The following TTC27 variants were observed in gnomAD, a reference collection of about 807,000 sequenced individuals.
TTC27 encodes tetratricopeptide repeat protein 27.
In TTC27, 79 loss-of-function variants were observed where a neutral mutation model predicts 115.9. The observed-to-expected ratio is 0.68, with a 90% CI of 0.57 to 0.82. TTC27 has a LOEUF of 0.82. Ranked by LOEUF, TTC27 falls within the 40% of genes least tolerant of loss-of-function variation. TTC27 has a pLI of 0.00. For synonymous variants in TTC27, 401 were observed against 356.0 expected (o/e 1.13, Z -1.42); for missense variants, 1,054 against 993.1 (o/e 1.06, Z -0.82).
intron 9 of TTC27, among the ~76,000 whole-genome samples, chr2:32,681,409 G>C (rs74515739): frequency 2.7e-3 from 418 of 152,224 alleles, no homozygotes; most frequent in African/African-American, 8.4e-3. Context: ...TGATACCGAA[G>C]TGGATAAGAT....
At chr2:32,671,679 T>C (rs1022088928) in intron 7 of TTC27, among the ~76,000 whole-genome samples, 1 of 152,238 alleles carries the variant, frequency 6.6e-6, no homozygotes, top group Non-Finnish European at 1.5e-5. Context: ...ATCATTTGCA[T>C]TTCCATATAA....
At chr2:32,779,109 G>A (rs1189704564) in intron 14 of TTC27, among the ~76,000 whole-genome samples, 4 of 152,158 alleles carry the variant, frequency 2.6e-5, no homozygotes, top group Admixed American at 1.3e-4. Context: ...CGTGGTCCCA[G>A]CTACTCAGGA....
chr2:32,705,918 A>G (rs1667350939), intron 10 of TTC27, among the ~76,000 whole-genome samples: 1 of 152,068 alleles, frequency 6.6e-6, no homozygotes, highest in Non-Finnish European at 1.5e-5. Context: ...TAATTCCATG[A>G]TTATTTAATA....
intron 10 of TTC27, among the ~76,000 whole-genome samples, chr2:32,708,609 C>T (rs1265749390): frequency 1.3e-4 from 19 of 151,774 alleles, no homozygotes; most frequent in Admixed American, 1.2e-3. Flanking sequence ...CGCCCGGCCT[C>T]TTTTTTTATT....
At chr2:32,708,715 G>A (rs1667471458) in intron 10 of TTC27, among the ~76,000 whole-genome samples, 1 of 151,610 alleles carries the variant, frequency 6.6e-6, no homozygotes, top group South Asian at 2.1e-4. Context: ...TGTTGTTTTA[G>A]GCTTTTAGCA....
In TTC27 at chr2:32,804,010, TAAAAAAA is replaced by T. The variant is rs56712262; in HGVS notation, c.1999-7006_1999-7000del. Reference sequence around the variant, plus strand: ...CGACAGAGCGAGACTCCATCTCAATTAAAAAAAAAAAAAAGAAAAAAATGCAAATTTC... The same window carrying T: ...CGACAGAGCGAGACTCCATCTCAATTAAAAAAAGAAAAAAATGCAAATTTC... On this transcript the variant is annotated intron_variant, in intron 16 of 19. Transcript: ENST00000317907. 5.3e-4 allele frequency among the ~76,000 whole-genome samples: 71 copies of T among 133,942 alleles called. 1 individual carries two copies. Among genetic ancestry groups the T allele is most frequent in the African/African-American group, 1.7e-3 (60 of 36,128 alleles). 87.9% of individuals were successfully genotyped at this position (133,942 alleles called of 152,430 possible).
chr2:32,645,644 A>G (rs1664823365), intron 4 of TTC27, among the ~76,000 whole-genome samples: 1 of 152,052 alleles, frequency 6.6e-6, no homozygotes, highest in South Asian at 2.1e-4. Context: ...GGTGTGCTGT[A>G]CCCATTAACT....
rs201493752 is a variant in TTC27 at position 32,787,035 on chromosome 2, C to A, written c.1884C>A (p.His628Gln). 2 of 1,614,090 alleles carry A rather than the reference C, an allele frequency of 1.2e-6. No homozygotes were observed. The highest frequency in any genetic ancestry group is 2.7e-5 in the African/African-American group (2 of 75,046). Residue 628 changes from histidine (H) to glutamine (Q), a missense_variant, in exon 16 of 20, where the codon CAC (histidine) becomes CAA (glutamine). Coordinates refer to ENST00000317907, the MANE Select transcript of TTC27 (RefSeq NM_017735.5). ...AAGCTCTCAAGTGTAACTATGAACA[C>A]TGGCAGATTTGGGAAAACTACATCC... ...LQEALKCNYE[H>Q]WQIWENYILT...
intron 16 of TTC27, among the ~76,000 whole-genome samples, chr2:32,808,065 T>C (rs1671195193): frequency 6.6e-6 from 1 of 151,672 alleles, no homozygotes; most frequent in African/African-American, 2.4e-5. Flanking sequence ...CCCAAATAGC[T>C]GGGATTACAG....
chr2:32,646,741 T>A (rs1572472707), intron 4 of TTC27, among the ~76,000 whole-genome samples: 1 of 151,570 alleles, frequency 6.6e-6, no homozygotes, highest in African/African-American at 2.4e-5. Context: ...TTTTTTGTAT[T>A]ATTAGTAGAG....
rs1664153093 is a variant in TTC27, at chr2:32,630,647, G to A, written c.213G>A (p.Glu71=). 1 of 1,613,682 alleles carries A rather than the reference G, an allele frequency of 6.2e-7. No homozygotes were observed. The highest frequency in any genetic ancestry group is 1.3e-5 in the African/African-American group (1 of 75,012). ...AAGAAAAGATTGATAGCTACCTGGAGAAGCAGGTAGTAACATTCCTGGATT... is the reference window on the plus strand; with the variant it reads ...AAGAAAAGATTGATAGCTACCTGGAAAAGCAGGTAGTAACATTCCTGGATT... ...TAEEKIDSYL[E]KQVVTFLDYS... The change falls in exon 2 of 20, where the codon GAG becomes GAA. Residue 71 remains glutamate, a synonymous_variant. Transcript: ENST00000317907.
intron 9 of TTC27, 128 bp from the exon 10 acceptor site, chr2:32,702,679 C>T: frequency 3.2e-6 from 2 of 621,022 alleles, no homozygotes; most frequent in Non-Finnish European, 5.7e-6. Context: ...TTTTTGTTAA[C>T]TGGGAAGATT....
At chr2:32,756,811 G>A (rs1056851350) in intron 12 of TTC27, among the ~76,000 whole-genome samples, 1 of 152,226 alleles carries the variant, frequency 6.6e-6, no homozygotes, top group African/African-American at 2.4e-5. Context: ...TTTACGTGAA[G>A]GCGTGTGTGT....
Position 32,708,676 on chromosome 2 carries a change from A to G in TTC27, c.1233+5756A>G, listed in dbSNP as rs1452906383. 4.7e-5 allele frequency among the ~76,000 whole-genome samples: 5 copies of G among 106,462 alleles called. No homozygotes were observed. In the East Asian group the frequency reaches 1.3e-3, roughly 29 times the overall value. 69.8% of individuals were successfully genotyped at this position (106,462 alleles called of 152,430 possible). A position where few individuals can be genotyped will look rare whatever the true frequency, so the allele number is the denominator to read the frequency against. On this transcript the variant is annotated intron_variant, in intron 10 of 19. Coordinates refer to ENST00000317907, the MANE Select transcript of TTC27 (RefSeq NM_017735.5). Reference sequence around the variant, plus strand: ...ATATTAAGCTTGTCCAACCCACCTTACTTTGTTGTTGTTGTTGTTGTTGTG... The same window carrying G: ...ATATTAAGCTTGTCCAACCCACCTTGCTTTGTTGTTGTTGTTGTTGTTGTG...
chr2:32,649,943 G>C (rs1665024758), intron 4 of TTC27, among the ~76,000 whole-genome samples, 188 bp from the exon 5 acceptor site: 2 of 152,116 alleles, frequency 1.3e-5, no homozygotes. Flanking sequence ...TGGAGGTGAG[G>C]TGTTATTCTT....
rs1553311553 is a variant in TTC27, at chr2:32,723,724, C to CCTTCCT, written c.1234-10104_1234-10103insCTTCCT. Among the ~76,000 whole-genome samples the CCTTCCT allele has an allele frequency of 2.6e-3, 65 of 25,092 alleles. 3 individuals carry two copies. Among genetic ancestry groups the CCTTCCT allele is most frequent in the Non-Finnish European group, 4.2e-3 (49 of 11,550 alleles). 16.5% of individuals were successfully genotyped at this position (25,092 alleles called of 152,430 possible). On this transcript the variant is annotated intron_variant, in intron 10 of 19. Transcript: ENST00000317907. The stretch of plus-strand genomic sequence containing the variant: ...CCTCCCTCCCTCCCTCCCTCCCTCC[C>CCTTCCT]TCCCTCCTTCCTTCCTTCCTTCCTT...
intron 5 of TTC27, among the ~76,000 whole-genome samples, chr2:32,662,652 T>C (rs2151877978): frequency 6.6e-6 from 1 of 152,300 alleles, no homozygotes; most frequent in Non-Finnish European, 1.5e-5. Context: ...ATTTGATTCT[T>C]CTCTCTTTTC....
At chr2:32,809,445 G>A (rs567080712) in intron 16 of TTC27, among the ~76,000 whole-genome samples, 1 of 152,346 alleles carries the variant, frequency 6.6e-6, no homozygotes, top group South Asian at 2.1e-4. Context: ...TTCTCGAAGT[G>A]TGCCCTGCAG....
intron 4 of TTC27, among the ~76,000 whole-genome samples, chr2:32,645,810 G>A (rs1183436185): frequency 2.6e-5 from 4 of 151,542 alleles, no homozygotes; most frequent in African/African-American, 4.8e-5. Flanking sequence ...TCCGCCTCCC[G>A]GGTTCAAGTG....
Sources: allele counts gnomAD v4.1 joint callset (sites outside exome capture counted in the v4.1 genomes callset), GRCh38; gene constraint gnomAD v4.1.1; transcripts MANE v1.5; gene names NCBI Gene and HGNC (gene_info 2026-07-23, HGNC 2026-07-21).